ABCC8: variants seen among roughly 807,000 people sequenced by gnomAD.
The protein encoded by ABCC8 is ATP binding cassette subfamily C member 8, also known as ATP-binding cassette sub-family C member 8.
Under a neutral mutation model 188.0 loss-of-function variants are expected in ABCC8, and 137 were observed. The observed-to-expected ratio is 0.73, with a 90% CI of 0.63 to 0.84. ABCC8 has a LOEUF of 0.84. ABCC8 is among the 40% of genes least tolerant of loss of function. ABCC8 has a pLI of 0.00. For missense variants in ABCC8, 1,750 were observed against 2,072.7 expected, an observed-to-expected ratio of 0.84 and a Z score of 3.02; for synonymous variants, 797 against 846.5, an observed-to-expected ratio of 0.94 and a Z score of 1.01.
At chr11:17,398,480 G>A (rs763718966) in intron 29 of ABCC8, 39 bp from the exon 30 acceptor site, 4 of 1,612,132 alleles carry the variant, frequency 2.5e-6, no homozygotes, top group South Asian at 2.2e-5. Flanking sequence ...GAACAGTGTT[G>A]GTCCACATAG....
Position 17,427,998 on chromosome 11 carries a change from G to A in ABCC8, c.2041-56C>T. On this transcript the variant is annotated intron_variant, in intron 14 of 38. Transcript: ENST00000389817. This position sits in a 1 kb window ranked among gnomAD's most constrained non-coding sequence, Gnocchi z 5.0. ...AGAACAGAAAGGCAGCCAGTTCCCA[G>A]TGAATAGTCTCTGGCTTCCCCTCCT... The A allele has an allele frequency of 6.3e-7, 1 of 1,598,308 alleles. No homozygotes were observed. Among genetic ancestry groups the A allele is most frequent in the African/African-American group, 1.3e-5 (1 of 74,650 alleles).
chr11:17,471,313 C>T (rs1422011834), intron 2 of ABCC8, among the ~76,000 whole-genome samples: 1 of 152,198 alleles, frequency 6.6e-6, no homozygotes, highest in Non-Finnish European at 1.5e-5. Flanking sequence ...CAACCAAGGA[C>T]AGCTTCCCAG....
At position 17,412,547 on chromosome 11, in the gene ABCC8, G is replaced by A. The variant is rs982096179; in HGVS notation, c.2556+119C>T. ...TGATAAGGCAATATCTCTGGCAGGA[G>A]GGATTTACTCCTGGAGAGGGAGATT... On this transcript the variant is annotated intron_variant, in intron 21 of 38. Transcript: ENST00000389817. 4.2e-5 allele frequency: 57 copies of A among 1,372,538 alleles called. 1 individual carries two copies. The Admixed American group carries it at 1.1e-3, about 27-fold the overall frequency. The allele number at this position is 1,372,538 out of a possible 1,614,324, so 85.0% of individuals were successfully genotyped here. A position where few individuals can be genotyped will look rare whatever the true frequency, so the allele number is the denominator to read the frequency against.
intron 8 of ABCC8, among the ~76,000 whole-genome samples, chr11:17,445,534 C>T (rs748508329): frequency 4.6e-5 from 7 of 152,206 alleles, no homozygotes; most frequent in African/African-American, 1.4e-4. Context: ...AGGGCTTACA[C>T]GGGAATGGGG....
At chr11:17,437,413 CAG>C (rs1262130716) in intron 10 of ABCC8, among the ~76,000 whole-genome samples, 6 of 144,590 alleles carry the variant, frequency 4.1e-5, no homozygotes, top group Non-Finnish European at 7.4e-5. Context: ...AGTTACGTGT[CAG>C]AGAGGCATAG....
At position 17,448,567 on chromosome 11, in the gene ABCC8, C is replaced by T. The variant is rs112488640; in HGVS notation, c.1281G>A (p.Gln427=). The change falls in exon 8 of 39, where the codon CAG becomes CAA. Residue 427 remains glutamine, a synonymous_variant. Transcript: ENST00000389817. ...ICNLVAIDTN[Q]LMWFFFLCPN... is the part of the protein sequence containing the mutation. ...GGCACAAGAAGAAAAACCACATGAGCTGATTGGTGTCGATGGCAACCAGAT... is the reference window on the plus strand; with the variant it reads ...GGCACAAGAAGAAAAACCACATGAGTTGATTGGTGTCGATGGCAACCAGAT... The T allele has an allele frequency of 1.8e-5, 29 of 1,614,180 alleles. No homozygotes were observed. In the African/African-American group the frequency reaches 2.7e-4, roughly 15 times the overall value.
chr11:17,406,480 G>T, intron 26 of ABCC8, 142 bp downstream of exon 26: 2 of 840,458 alleles, frequency 2.4e-6, no homozygotes, highest in East Asian at 2.7e-5. Context: ...CACAAGGAGG[G>T]CACTTTTACA....
At chr11:17,430,613 C>T (rs578083859) in intron 12 of ABCC8, 2 of 695,606 alleles carry the variant, frequency 2.9e-6, no homozygotes, top group East Asian at 5.1e-5. Flanking sequence ...GGTATGTAAG[C>T]AAGTCCTTGC....
chr11:17,464,338 G>A (rs1046449294), intron 3 of ABCC8, among the ~76,000 whole-genome samples: 1 of 152,192 alleles, frequency 6.6e-6, no homozygotes, highest in Non-Finnish European at 1.5e-5. Context: ...CAGGGGCATG[G>A]GGGATACGGA....
chr11:17,418,022 G>A (rs1177161976), intron 16 of ABCC8, among the ~76,000 whole-genome samples: 2 of 152,290 alleles, frequency 1.3e-5, no homozygotes, highest in East Asian at 3.9e-4. Flanking sequence ...CTCCTAAAGT[G>A]CTGGGATTAC....
chr11:17,408,986 C>T lies in ABCC8; in HGVS notation c.2695-469G>A, dbSNP rs950517150. On this transcript the variant is annotated intron_variant, in intron 22 of 38. Transcript: ENST00000389817. ...TTTTTTTTTTTGAGACAGGGTCTCACTCTGTTGCCTAGGCTGGGGTGCAAT... is the reference window on the plus strand; with the variant it reads ...TTTTTTTTTTTGAGACAGGGTCTCATTCTGTTGCCTAGGCTGGGGTGCAAT... Among the ~76,000 whole-genome samples, 5 of 145,106 alleles carry T rather than the reference C, an allele frequency of 3.4e-5. No individual in the cohort carries two copies. The South Asian group carries it at 8.7e-4, about 25-fold the overall frequency.
At position 17,395,837 on chromosome 11, in the gene ABCC8, C is replaced by T. The variant is rs375961690; in HGVS notation, c.4198+15G>A. ...TGGCTGTGGGTACACGTGGGGTGCCCGCCTTACAACTCACCTTCGAACGTG... is the reference window on the plus strand; with the variant it reads ...TGGCTGTGGGTACACGTGGGGTGCCTGCCTTACAACTCACCTTCGAACGTG... On this transcript the variant is annotated intron_variant, in intron 34 of 38. Transcript: ENST00000389817. 20 of 1,567,116 alleles carry T rather than the reference C, an allele frequency of 1.3e-5. No individual in the cohort carries two copies. Among genetic ancestry groups the T allele is most frequent in the East Asian group, 1.2e-4 (5 of 42,796 alleles).
intron 16 of ABCC8, 129 bp from the exon 17 acceptor site, chr11:17,417,091 A>G: frequency 1.9e-6 from 3 of 1,554,474 alleles, no homozygotes; most frequent in Non-Finnish European, 2.6e-6. Flanking sequence ...GGGTTTCCAA[A>G]TGGCCTCTGT....
rs112184942 is a variant in ABCC8 at position 17,427,398 on chromosome 11, G to A, written c.2117-244C>T. The stretch of plus-strand genomic sequence containing the variant: ...GCCCCGCCACCCTTCCTAAGCACTC[G>A]CTTCTCCTTTCCCATGCTCCTAGTA... On this transcript the variant is annotated intron_variant, in intron 15 of 38. Coordinates refer to ENST00000389817, the MANE Select transcript of ABCC8 (RefSeq NM_000352.6). This position sits in a 1 kb window ranked among gnomAD's most constrained non-coding sequence, Gnocchi z 5.0. 1.3e-3 allele frequency among the ~76,000 whole-genome samples: 204 copies of A among 152,022 alleles called. No individual in the cohort carries two copies. Among genetic ancestry groups the A allele is most frequent in the African/African-American group, 4.7e-3 (194 of 41,434 alleles).
In ABCC8 at chr11:17,463,498, C is replaced by G. The variant is rs759354601; in HGVS notation, c.519G>C (p.Gly173=). Residue 173 remains glycine, a synonymous_variant, in exon 4 of 39, where the codon GGG becomes GGC. Transcript: ENST00000389817. The part of the protein sequence containing the change: ...GFSQLRFCLT[G]LLVILYGMLL... The stretch of plus-strand genomic sequence containing the variant: ...GCATCCCATAGAGGATCACCAGCAG[C>G]CCTGTGAGGCAGAAGCGTAGCTGCG... 6 of 1,603,496 alleles carry G rather than the reference C, an allele frequency of 3.7e-6. No individual in the cohort carries two copies. Among genetic ancestry groups the G allele is most frequent in the Admixed American group, 3.4e-5 (2 of 58,288 alleles).
intron 16 of ABCC8, among the ~76,000 whole-genome samples, chr11:17,419,673 A>C (rs568798067): frequency 3.9e-5 from 6 of 152,344 alleles, no homozygotes; most frequent in South Asian, 4.1e-4. Context: ...ATCTGAGAAA[A>C]TGAGTAGAGC....
At chr11:17,430,500 G>T in intron 12 of ABCC8, 1 of 412,718 alleles carries the variant, frequency 2.4e-6, no homozygotes, top group Non-Finnish European at 4.6e-6. Flanking sequence ...GTGAAGTTAG[G>T]ACCAGTGGGT....
intron 33 of ABCC8, 193 bp from the exon 34 acceptor site, chr11:17,396,123 C>T: frequency 7.6e-7 from 1 of 1,319,204 alleles, no homozygotes; most frequent in Non-Finnish European, 1.0e-6. Context: ...AGGGCTTACA[C>T]AGGGACCGGC....
At chr11:17,430,243 A>G (rs766907990) in intron 12 of ABCC8, 2 of 171,182 alleles carry the variant, frequency 1.2e-5, no homozygotes, top group Non-Finnish European at 1.3e-5. Flanking sequence ...TGCCTCTGGG[A>G]CAGTGGCAGA....
Sources: allele counts gnomAD v4.1 joint callset (sites outside exome capture counted in the v4.1 genomes callset), GRCh38; gene constraint gnomAD v4.1.1; non-coding constraint Gnocchi (gnomAD v3.1); transcripts MANE v1.5; gene names NCBI Gene and HGNC (gene_info 2026-07-23, HGNC 2026-07-21).